The following XRN1 variants were observed in gnomAD, a reference collection of about 807,000 sequenced individuals.
The protein encoded by XRN1 is strand-exchange protein 1 homolog.
A neutral mutation model predicts 222.3 loss-of-function variants in XRN1; 67 were observed. That is an observed-to-expected ratio of 0.30 (90% CI 0.25 to 0.37). The LOEUF (loss-of-function observed/expected upper bound fraction) is 0.37. XRN1 is among the 10% of genes least tolerant of loss of function. XRN1 has a pLI of 1.00. For missense variants in XRN1, 1,707 were observed against 2,000.2 expected (o/e 0.85, Z 2.80); for synonymous variants, 643 against 652.4 (o/e 0.99, Z 0.22).
At chr3:142,346,312 G>A (rs1559803209) in intron 33 of XRN1, among the ~76,000 whole-genome samples, 1 of 152,058 alleles carries the variant, frequency 6.6e-6, no homozygotes, top group Non-Finnish European at 1.5e-5. Context: ...AGAAAATAGT[G>A]TAGTATTTGC....
intron 33 of XRN1, among the ~76,000 whole-genome samples, chr3:142,342,573 T>C (rs1204456626): frequency 1.3e-5 from 2 of 152,108 alleles, no homozygotes; most frequent in Non-Finnish European, 2.9e-5. Flanking sequence ...GAAAATGGCA[T>C]GGCACTGACA....
In XRN1 at chr3:142,422,903, T is replaced by C. The variant is rs373660192; in HGVS notation, c.730A>G (p.Thr244Ala). 1 of 1,612,200 alleles carries C rather than the reference T, an allele frequency of 6.2e-7. No homozygotes were observed. Among genetic ancestry groups the C allele is most frequent in the Non-Finnish European group, 8.5e-7 (1 of 1,178,912 alleles). The stretch of plus-strand genomic sequence containing the variant: ...GACAAGTGTAGAAGGTGAAATGTAG[T>C]TTCTTCTGGAGCACATACCCTGGAA... ...KTQRVCAPEE[T>A]TFHLLHLSLM... Residue 244 changes from threonine to alanine, a missense_variant, in exon 7 of 41, where the codon ACT becomes GCT. By Grantham distance (58) the Thr-to-Ala change is moderately conservative. Transcript: ENST00000392981.
intron 2 of XRN1, chr3:142,429,721 T>A (rs2069439594): frequency 2.0e-5 from 3 of 152,240 alleles, no homozygotes; most frequent in South Asian, 4.1e-4. Flanking sequence ...GGTTAGAAAG[T>A]TCTCAGGCTT....
intron 3 of XRN1, among the ~76,000 whole-genome samples, chr3:142,425,860 A>G (rs2069225069): frequency 6.6e-6 from 1 of 151,698 alleles, no homozygotes; most frequent in South Asian, 2.1e-4. Flanking sequence ...TCTCTAATGA[A>G]CCTCAACCTT....
chr3:142,385,596 G>A (rs13101141), intron 20 of XRN1, among the ~76,000 whole-genome samples: 8,421 of 152,152 alleles, frequency 0.055, 275 homozygotes, highest in Non-Finnish European at 0.076. Flanking sequence ...GAGTAGTTGT[G>A]ACAGACATTG....
intron 20 of XRN1, among the ~76,000 whole-genome samples, chr3:142,392,176 C>A (rs1379751050): frequency 6.6e-6 from 1 of 152,068 alleles, no homozygotes; most frequent in Non-Finnish European, 1.5e-5. Flanking sequence ...CCCACTGAGA[C>A]CTCAAAATCT....
At chr3:142,318,505 A>C in intron 39 of XRN1, 87 bp downstream of exon 39, 1 of 1,206,018 alleles carries the variant, frequency 8.3e-7, no homozygotes, top group Non-Finnish European at 1.2e-6. Context: ...ACATTCCTAG[A>C]TATTTGAGTA....
intron 29 of XRN1, 32 bp downstream of exon 29, chr3:142,365,015 C>A (rs745616719): frequency 1.9e-6 from 3 of 1,594,690 alleles, no homozygotes; most frequent in Non-Finnish European, 1.7e-6. Context: ...ATATAAATTA[C>A]GTTGAAGACA....
At chr3:142,446,255 T>C (rs375351989) in intron 1 of XRN1, among the ~76,000 whole-genome samples, 1 of 152,244 alleles carries the variant, frequency 6.6e-6, no homozygotes, top group East Asian at 1.9e-4. Context: ...GTGACTTATT[T>C]AGGCATTACC....
chr3:142,392,895 G>A (rs983627398), intron 20 of XRN1, among the ~76,000 whole-genome samples: 1 of 150,106 alleles, frequency 6.7e-6, no homozygotes, highest in Non-Finnish European at 1.5e-5. Context: ...CTGAGGAATT[G>A]CCACACTGAC....
chr3:142,409,136 A>G (rs960225036), intron 15 of XRN1, among the ~76,000 whole-genome samples: 2 of 152,112 alleles, frequency 1.3e-5, no homozygotes, highest in Non-Finnish European at 2.9e-5. Flanking sequence ...TTTCTCCTAC[A>G]CTGTGGCTTA....
chr3:142,393,080 C>G (rs1441293740), intron 20 of XRN1, among the ~76,000 whole-genome samples: 22 of 151,202 alleles, frequency 1.5e-4, no homozygotes, highest in Non-Finnish European at 2.2e-4. Context: ...GGCCAGTGAT[C>G]ATGAGCATTT....
At chr3:142,384,785 G>T in intron 20 of XRN1, 100 bp from the exon 21 acceptor site, 1 of 926,532 alleles carries the variant, frequency 1.1e-6, no homozygotes, top group Non-Finnish European at 1.6e-6. Flanking sequence ...TCATAATCAA[G>T]TGTGTAAATA....
chr3:142,349,192 G>A (rs1336315951), intron 32 of XRN1, among the ~76,000 whole-genome samples: 1 of 152,092 alleles, frequency 6.6e-6, no homozygotes, highest in East Asian at 1.9e-4. Context: ...GGGCTCCAGT[G>A]ACCTACCTGC....
intron 29 of XRN1, among the ~76,000 whole-genome samples, chr3:142,361,546 C>T (rs2066630267): frequency 6.6e-6 from 1 of 152,198 alleles, no homozygotes; most frequent in African/African-American, 2.4e-5. Flanking sequence ...TTATCTTTTA[C>T]ATTACGACTG....
intron 26 of XRN1, 99 bp from the exon 27 acceptor site, chr3:142,370,719 G>T: frequency 2.0e-6 from 2 of 996,330 alleles, no homozygotes; most frequent in South Asian, 2.2e-5. Context: ...ATTAGTCACT[G>T]AACTTAATCG....
At chr3:142,324,143 C>A (rs193060154) in intron 37 of XRN1, among the ~76,000 whole-genome samples, 1 of 150,906 alleles carries the variant, frequency 6.6e-6, no homozygotes, top group South Asian at 2.1e-4. Flanking sequence ...ATGTGCACAA[C>A]GTGCAGGTTT....
chr3:142,314,951 GT>G (rs1204432176), intron 39 of XRN1, among the ~76,000 whole-genome samples: 373 of 88,622 alleles, frequency 4.2e-3, no homozygotes, highest in African/African-American at 0.013. Flanking sequence ...TCTGTCGTCT[GT>G]TTTTTTTTTT....
At chr3:142,438,206 C>T (rs148872175) in intron 1 of XRN1, among the ~76,000 whole-genome samples, 2 of 152,098 alleles carry the variant, frequency 1.3e-5, no homozygotes, top group Non-Finnish European at 1.5e-5. Context: ...TCAAGAAAGG[C>T]GGGAAAACAG....
Sources: allele counts gnomAD v4.1 joint callset (sites outside exome capture counted in the v4.1 genomes callset), GRCh38; gene constraint gnomAD v4.1.1; transcripts MANE v1.5; gene names NCBI Gene and HGNC (gene_info 2026-07-23, HGNC 2026-07-21).